MTMR3: variants seen among roughly 807,000 people sequenced by gnomAD.
MTMR3 encodes phosphatidylinositol-3,5-bisphosphate 3-phosphatase MTMR3.
MTMR3 carries 32 observed loss-of-function variants against 132.4 expected under a neutral mutation model. The ratio of observed to expected loss-of-function variants is 0.24; its 90% CI spans 0.18 to 0.32. MTMR3 has a LOEUF of 0.32. Among genes scored for constraint, MTMR3 ranks in the 10% least tolerant of loss-of-function variants. MTMR3 has a pLI of 1.00. For synonymous variants in MTMR3, 556 were observed against 550.3 expected (o/e 1.01, Z -0.14); for missense variants, 1,216 against 1,489.6 (o/e 0.82, Z 3.02).
intron 1 of MTMR3, among the ~76,000 whole-genome samples, chr22:29,927,935 C>CTTTTT (rs1448628702): frequency 1.2e-4 from 13 of 108,474 alleles, no homozygotes; most frequent in East Asian, 3.9e-4. Context: ...AATCTCTAGC[C>CTTTTT]TTTGTTTTTT....
At chr22:29,968,776 A>C (rs753697907) in intron 2 of MTMR3, among the ~76,000 whole-genome samples, 3 of 152,226 alleles carry the variant, frequency 2.0e-5, no homozygotes, top group Non-Finnish European at 4.4e-5. Flanking sequence ...ATATTGAATA[A>C]ATATTTATTG....
rs1431452407 is a variant in MTMR3 at position 30,008,192 on chromosome 22, A to G, written c.1009+160A>G. The G allele has an allele frequency of 6.7e-6, 6 of 902,024 alleles. No individual in the cohort carries two copies. The African/African-American group carries it at 6.8e-5, about 10-fold the overall frequency. The allele number at this position is 902,024 out of a possible 1,614,324, so 55.9% of individuals were successfully genotyped here. On this transcript the variant is annotated intron_variant, in intron 11 of 19. Coordinates refer to ENST00000401950, the MANE Select transcript of MTMR3 (RefSeq NM_021090.4). ...CTTCTCTTTGGATTCTTAACACTGTATGTTCTTTTCTGAGGAGAAATGGAG... is the reference window on the plus strand; with the variant it reads ...CTTCTCTTTGGATTCTTAACACTGTGTGTTCTTTTCTGAGGAGAAATGGAG...
Position 29,998,770 on chromosome 22 carries a change from T to G in MTMR3, c.470T>G (p.Val157Gly). The G allele has an allele frequency of 6.2e-7, 1 of 1,612,572 alleles. No individual in the cohort carries two copies. The highest frequency in any genetic ancestry group is 8.5e-7 in the Non-Finnish European group (1 of 1,179,136). The change falls in exon 8 of 20, where the codon GTA becomes GGA. Residue 157 changes from valine (V) to glycine (G), a missense_variant. This residue lies in a region of MTMR3 where 129 missense variants were observed against 245.7 expected (regional missense o/e 0.53). Transcript: ENST00000401950. ...TATCTTTGGCCTCTAGGGGAGCATG[T>G]AACTTCAAGGTTTAAAAACGAGGTG... is the stretch of plus-strand genomic sequence containing the variant. ...HGDLCRPGEH[V>G]TSRFKNEVER...
At chr22:29,932,947 G>A (rs2065674080) in intron 1 of MTMR3, among the ~76,000 whole-genome samples, 1 of 151,976 alleles carries the variant, frequency 6.6e-6, no homozygotes, top group South Asian at 2.1e-4. Context: ...ATACTTGAGA[G>A]TTTATTTCTT....
intron 3 of MTMR3, 53 bp from the exon 4 acceptor site, chr22:29,978,389 A>T: frequency 6.8e-7 from 1 of 1,470,252 alleles, no homozygotes; most frequent in Non-Finnish European, 9.4e-7. Context: ...AGAAAAACCA[A>T]ATATGAATGA....
chr22:29,926,788 C>T (rs2065526045), intron 1 of MTMR3, among the ~76,000 whole-genome samples: 1 of 152,038 alleles, frequency 6.6e-6, no homozygotes, highest in Non-Finnish European at 1.5e-5. Context: ...GTTCCTTATC[C>T]TTGGGTTGTC....
At chr22:30,025,360 T>G in intron 19 of MTMR3, 7 of 485,770 alleles carry the variant, frequency 1.4e-5, no homozygotes, top group Non-Finnish European at 2.3e-5. Flanking sequence ...TTGAGCAGCA[T>G]TCTTTTGTAT....
intron 2 of MTMR3, among the ~76,000 whole-genome samples, chr22:29,965,171 C>T (rs1238719391): frequency 6.6e-6 from 1 of 151,820 alleles, no homozygotes; most frequent in Non-Finnish European, 1.5e-5. Context: ...CTTTTTCTGT[C>T]TTCTGCGATG....
rs1229654712 is a variant in MTMR3 at position 30,030,679 on chromosome 22, T to G, written c.*4878T>G. ...ATTTATCTTCCAGAGGCAGGGTTCA[T>G]GGATTCCTGATGTTTAGAGGCGGAA... On this transcript the variant is annotated 3_prime_UTR_variant, in exon 20 of 20. Transcript: ENST00000401950. 1 of 148,852 alleles carries G rather than the reference T, an allele frequency of 6.7e-6. No individual in the cohort carries two copies. Among genetic ancestry groups the G allele is most frequent in the African/African-American group, 2.5e-5 (1 of 40,512 alleles). 9.2% of individuals were successfully genotyped at this position (148,852 alleles called of 1,614,324 possible).
chr22:30,021,943 C>T, intron 17 of MTMR3, 86 bp from the exon 18 acceptor site: 3 of 1,080,480 alleles, frequency 2.8e-6, no homozygotes, highest in Non-Finnish European at 4.2e-6. Flanking sequence ...ACCCAGAGTC[C>T]TCAGTTCTCC....
Position 30,019,863 on chromosome 22 carries a change from C to T in MTMR3, c.2204C>T (p.Ser735Leu), listed in dbSNP as rs763966035. The part of the protein sequence containing the change: ...KESRRKTPEA[S>L]AIGLHQDPEL... Reference sequence around the variant, plus strand: ...AGCAGGAGGAAGACACCTGAGGCCTCAGCCATTGGACTTCACCAAGACCCA... The same window carrying T: ...AGCAGGAGGAAGACACCTGAGGCCTTAGCCATTGGACTTCACCAAGACCCA... Residue 735 changes from serine (S) to leucine (L), a missense_variant, in exon 17 of 20, where the codon TCA becomes TTA. Coordinates refer to ENST00000401950, the MANE Select transcript of MTMR3 (RefSeq NM_021090.4). 1.9e-6 allele frequency: 3 copies of T among 1,614,208 alleles called. No individual in the cohort carries two copies. The highest frequency in any genetic ancestry group is 2.5e-6 in the Non-Finnish European group (3 of 1,180,038).
At position 29,944,811 on chromosome 22, in the gene MTMR3, T is replaced by C. The variant is rs188601114; in HGVS notation, c.-137-12225T>C. ...ACTCATTAGAACTGTTATTTTCAAT[T>C]GGTGTATTTCTGATTTAAGCTTTTC... On this transcript the variant is annotated intron_variant, in intron 1 of 19. Coordinates refer to ENST00000401950, the MANE Select transcript of MTMR3 (RefSeq NM_021090.4). 2.6e-5 allele frequency among the ~76,000 whole-genome samples: 4 copies of C among 152,334 alleles called. No individual in the cohort carries two copies. In the East Asian group the frequency reaches 7.7e-4, roughly 29 times the overall value.
At chr22:29,898,116 C>T (rs1427544028) in intron 1 of MTMR3, among the ~76,000 whole-genome samples, 1 of 152,124 alleles carries the variant, frequency 6.6e-6, no homozygotes, top group African/African-American at 2.4e-5. Flanking sequence ...GCTGGGATTA[C>T]AAGTGTGAGC....
intron 3 of MTMR3, among the ~76,000 whole-genome samples, chr22:29,975,358 A>G (rs1324047691): frequency 6.6e-6 from 1 of 152,198 alleles, no homozygotes; most frequent in East Asian, 1.9e-4. Context: ...TCCTCATCCA[A>G]AGATAGTTTT....
At chr22:29,950,088 G>T (rs2066044944) in intron 1 of MTMR3, among the ~76,000 whole-genome samples, 1 of 152,138 alleles carries the variant, frequency 6.6e-6, no homozygotes, top group Admixed American at 6.5e-5. Flanking sequence ...GTAGACCTTG[G>T]AAATAGTCAA....
chr22:29,918,006 A>G (rs1159675091), intron 1 of MTMR3, among the ~76,000 whole-genome samples: 1 of 152,218 alleles, frequency 6.6e-6, no homozygotes, highest in Non-Finnish European at 1.5e-5. Context: ...TGTAAAATAC[A>G]TTTTCCCCTC....
At chr22:29,906,326 ATCTATCTG>A (rs1365679406) in intron 1 of MTMR3, among the ~76,000 whole-genome samples, 1,896 of 144,792 alleles carry the variant, frequency 0.013, 44 homozygotes, top group African/African-American at 0.048. Context: ...CTATCTATCT[ATCTATCTG>A]TCTATCTATC....
intron 1 of MTMR3, among the ~76,000 whole-genome samples, chr22:29,913,451 A>G (rs1231842169): frequency 1.3e-5 from 2 of 152,234 alleles, no homozygotes; most frequent in Non-Finnish European, 2.9e-5. Flanking sequence ...ACCAGAGCAC[A>G]TATGTATACC....
intron 1 of MTMR3, among the ~76,000 whole-genome samples, chr22:29,897,644 G>A (rs2064928646): frequency 6.6e-6 from 1 of 151,924 alleles, no homozygotes; most frequent in South Asian, 2.1e-4. Context: ...GTAGAGACAG[G>A]GTTTCACTAT....
Sources: allele counts gnomAD v4.1 joint callset (sites outside exome capture counted in the v4.1 genomes callset), GRCh38; gene constraint gnomAD v4.1.1; regional missense constraint gnomAD v4.1.1; transcripts MANE v1.5; gene names NCBI Gene and HGNC (gene_info 2026-07-23, HGNC 2026-07-21).